KCNIP4: variants seen among roughly 807,000 people sequenced by gnomAD.
KCNIP4 encodes Kv channel-interacting protein 4.
A neutral mutation model predicts 34.0 loss-of-function variants in KCNIP4; 12 were observed. That is an observed-to-expected ratio of 0.35 (90% confidence interval 0.23 to 0.57). KCNIP4 has a LOEUF of 0.57. KCNIP4 is among the 20% of genes least tolerant of loss of function. KCNIP4 has a pLI of 0.83. For missense variants in KCNIP4, 238 were observed against 311.7 expected (o/e 0.76, Z 1.78); for synonymous variants, 124 against 102.2 (o/e 1.21, Z -1.29).
rs150823132 is a variant in KCNIP4, at chr4:20,978,303, T to G, written c.62-95594A>C. 6.8e-3 allele frequency among the ~76,000 whole-genome samples: 1,034 copies of G among 152,314 alleles called. 5 individuals carry two copies. Among genetic ancestry groups the G allele is most frequent in the Non-Finnish European group, 0.011 (744 of 68,016 alleles). ...AATGAATCAACAGTTTTTAGGCTAC[T>G]ATGGAAACCTGAAAGTGATACTGGA... On this transcript the variant is annotated intron_variant, in intron 1 of 8. Coordinates refer to ENST00000382152, the MANE Select transcript of KCNIP4 (RefSeq NM_025221.6).
At chr4:20,812,516 G>A (rs965396980) in intron 3 of KCNIP4, among the ~76,000 whole-genome samples, 1 of 152,138 alleles carries the variant, frequency 6.6e-6, no homozygotes, top group African/African-American at 2.4e-5. Context: ...AAGAGTCCAA[G>A]CTTAAACATA....
rs569982452 is a variant in KCNIP4 at position 20,934,122 on chromosome 4, A to G, written c.62-51413T>C. Among the ~76,000 whole-genome samples the G allele has an allele frequency of 1.4e-3, 216 of 152,314 alleles. 1 individual carries two copies. Among genetic ancestry groups the G allele is most frequent in the African/African-American group, 5.0e-3 (208 of 41,586 alleles). ...AGAAGGCAAATCTAGGAGTGATGCTATAATTGATGTGAACTTTTAAAGTGA... is the reference window on the plus strand; with the variant it reads ...AGAAGGCAAATCTAGGAGTGATGCTGTAATTGATGTGAACTTTTAAAGTGA... On this transcript the variant is annotated intron_variant, in intron 1 of 8. Transcript: ENST00000382152.
intron 1 of KCNIP4, among the ~76,000 whole-genome samples, chr4:21,510,664 A>G (rs77955663): frequency 0.11 from 16,818 of 151,996 alleles, 1,055 homozygotes; most frequent in East Asian, 0.31. Context: ...CCTCATCTCT[A>G]AAATAAAGCT....
At chr4:21,167,122 A>C (rs769184647) in intron 1 of KCNIP4, among the ~76,000 whole-genome samples, 1 of 152,034 alleles carries the variant, frequency 6.6e-6, no homozygotes, top group Non-Finnish European at 1.5e-5. Context: ...ACATTGTGTG[A>C]TCCTATTTAT....
intron 1 of KCNIP4, among the ~76,000 whole-genome samples, chr4:21,349,840 T>A (rs1717833221): frequency 2.6e-5 from 4 of 152,086 alleles, no homozygotes; most frequent in Admixed American, 2.6e-4. Context: ...AAGTATGGGG[T>A]ACAAGCACAA....
intron 1 of KCNIP4, among the ~76,000 whole-genome samples, chr4:21,200,668 A>T (rs1756426753): frequency 6.6e-6 from 1 of 151,982 alleles, no homozygotes; most frequent in Non-Finnish European, 1.5e-5. Flanking sequence ...TAAGGAAAGA[A>T]AAATTATCTA....
At chr4:20,811,310 C>T (rs1344595573) in intron 3 of KCNIP4, among the ~76,000 whole-genome samples, 3 of 152,172 alleles carry the variant, frequency 2.0e-5, no homozygotes, top group Non-Finnish European at 1.5e-5. Flanking sequence ...ATGGCCATGG[C>T]ACCAAACTTC....
At chr4:21,155,393 A>G (rs555236136) in intron 1 of KCNIP4, among the ~76,000 whole-genome samples, 1 of 152,336 alleles carries the variant, frequency 6.6e-6, no homozygotes, top group Admixed American at 6.5e-5. Flanking sequence ...GCATGTAAAT[A>G]GGAGAAAATT....
At chr4:21,842,207 A>G (rs1038372992) in intron 1 of KCNIP4, among the ~76,000 whole-genome samples, 5 of 152,186 alleles carry the variant, frequency 3.3e-5, no homozygotes, top group African/African-American at 1.2e-4. Context: ...AAGTTGATTC[A>G]GAGTTCAGTA....
At chr4:21,367,199 A>G (rs1719868284) in intron 1 of KCNIP4, among the ~76,000 whole-genome samples, 1 of 152,188 alleles carries the variant, frequency 6.6e-6, no homozygotes, top group African/African-American at 2.4e-5. Flanking sequence ...ATTGTTTACA[A>G]ATTACCCAGT....
At chr4:21,560,051 T>C (rs1380179728) in intron 1 of KCNIP4, among the ~76,000 whole-genome samples, 1 of 152,134 alleles carries the variant, frequency 6.6e-6, no homozygotes, top group Non-Finnish European at 1.5e-5. Context: ...TTTGATAATA[T>C]TTCATTCTCT....
chr4:21,555,444 A>G (rs1039645709), intron 1 of KCNIP4, among the ~76,000 whole-genome samples: 2 of 152,194 alleles, frequency 1.3e-5, no homozygotes, highest in Non-Finnish European at 2.9e-5. Context: ...TGTGGTCTTC[A>G]GTGGGACTTC....
Position 20,995,921 on chromosome 4 carries a change from T to C in KCNIP4, c.62-113212A>G, listed in dbSNP as rs549610276. Among the ~76,000 whole-genome samples, 166 of 152,242 alleles carry C rather than the reference T, an allele frequency of 1.1e-3. 1 individual carries two copies. Among genetic ancestry groups the C allele is most frequent in the African/African-American group, 3.9e-3 (164 of 41,534 alleles). ...TACTAAGTCCAAGGAAAAACATTAG[T>C]GTCCATGAGAAAATGCGTTTAAAGT... is the stretch of plus-strand genomic sequence containing the variant. On this transcript the variant is annotated intron_variant, in intron 1 of 8. Transcript: ENST00000382152.
chr4:21,144,971 T>C (rs1752244397), intron 1 of KCNIP4, among the ~76,000 whole-genome samples: 2 of 120,486 alleles, frequency 1.7e-5, no homozygotes, highest in South Asian at 5.5e-4. Context: ...TAGAGGGCCA[T>C]CTTTAGGGAA....
intron 1 of KCNIP4, among the ~76,000 whole-genome samples, chr4:21,760,826 C>G (rs891196224): frequency 5.3e-5 from 8 of 152,134 alleles, no homozygotes; most frequent in African/African-American, 1.4e-4. Context: ...ATTTTCCATC[C>G]ACACTCCCAA....
At chr4:21,071,795 C>A (rs1577639187) in intron 1 of KCNIP4, among the ~76,000 whole-genome samples, 2 of 152,168 alleles carry the variant, frequency 1.3e-5, no homozygotes, top group East Asian at 3.9e-4. Flanking sequence ...ATCGTCCCTC[C>A]CCCTACCCCA....
At chr4:21,870,970 C>A (rs1238992312) in intron 1 of KCNIP4, among the ~76,000 whole-genome samples, 4 of 151,832 alleles carry the variant, frequency 2.6e-5, no homozygotes, top group African/African-American at 7.3e-5. Flanking sequence ...AAAAAAATAC[C>A]AAATACTAGT....
At position 21,705,129 on chromosome 4, in the gene KCNIP4, T is replaced by C. The variant is rs937399508; in HGVS notation, c.61+243442A>G. Among the ~76,000 whole-genome samples the C allele has an allele frequency of 9.2e-5, 14 of 152,278 alleles. 1 individual carries two copies. Among genetic ancestry groups the C allele is most frequent in the Admixed American group, 9.2e-4 (14 of 15,286 alleles). On this transcript the variant is annotated intron_variant, in intron 1 of 8. Coordinates refer to ENST00000382152, the MANE Select transcript of KCNIP4 (RefSeq NM_025221.6). ...CAGTCTCAAAAGATTACATACCACA[T>C]GATTCCATTCATATAACATTCTCAA...
intron 1 of KCNIP4, among the ~76,000 whole-genome samples, chr4:21,074,264 T>G (rs940074889): frequency 2.0e-5 from 3 of 152,178 alleles, no homozygotes; most frequent in African/African-American, 4.8e-5. Context: ...ATCTGTCTAG[T>G]CCTGGACTTT....
Sources: gnomAD v4.1 joint callset for allele counts (sites outside exome capture counted in the v4.1 genomes callset) on GRCh38, gnomAD v4.1.1 for gene constraint, MANE v1.5 for transcripts, NCBI Gene and HGNC (gene_info 2026-07-23, HGNC 2026-07-21) for gene names.